The following DTX4 variants were observed in gnomAD, a reference collection of about 807,000 sequenced individuals.
DTX4 encodes the protein E3 ubiquitin-protein ligase DTX4.
DTX4 carries 28 observed loss-of-function variants against 57.6 expected under a neutral mutation model. The ratio of observed to expected loss-of-function variants is 0.49; its 90% confidence interval spans 0.36 to 0.67. The LOEUF (loss-of-function observed/expected upper bound fraction) is 0.67, where lower values mean the gene tolerates loss of function less well. Ranked by LOEUF, DTX4 falls within the 30% of genes least tolerant of loss-of-function variation. The pLI is 0.00. For missense variants in DTX4, 715 were observed against 836.8 expected, an observed-to-expected ratio of 0.85 and a Z score of 1.80; for synonymous variants, 316 against 331.0, an observed-to-expected ratio of 0.95 and a Z score of 0.49.
At chr11:59,188,643 T>C (rs545278776) in intron 2 of DTX4, 92 bp from the exon 3 acceptor site, 1 of 1,090,270 alleles carries the variant, frequency 9.2e-7, no homozygotes, top group South Asian at 1.3e-5. Flanking sequence ...TCTGCTGTGT[T>C]AAGCACTTAA....
rs1281868730 is a variant in DTX4 at position 59,172,146 on chromosome 11, C to G, written c.-450C>G. Among the ~76,000 whole-genome samples the G allele has an allele frequency of 3.3e-5, 5 of 152,132 alleles. No individual in the cohort carries two copies. The highest frequency in any genetic ancestry group is 5.9e-5 in the Non-Finnish European group (4 of 67,974). On this transcript the variant is annotated 5_prime_UTR_variant, in exon 1 of 9. Coordinates refer to ENST00000227451, the MANE Select transcript of DTX4 (RefSeq NM_015177.2). ...CAGAGCGTGCCATTCCGAGCGCGGCCGTGCGGCGAGATCCCACCCCGGCGT... is the reference window on the plus strand; with the variant it reads ...CAGAGCGTGCCATTCCGAGCGCGGCGGTGCGGCGAGATCCCACCCCGGCGT...
intron 1 of DTX4, among the ~76,000 whole-genome samples, chr11:59,177,286 G>A (rs1862407575): frequency 6.6e-6 from 1 of 152,114 alleles, no homozygotes; most frequent in African/African-American, 2.4e-5. Flanking sequence ...TAGGTCTCAA[G>A]GGCACTGCTG....
chr11:59,195,117 GCCCT>G, intron 6 of DTX4, 87 bp from the exon 7 acceptor site: 4 of 1,358,280 alleles, frequency 2.9e-6, no homozygotes, highest in Non-Finnish European at 4.2e-6. Flanking sequence ...TGTTCCCCTG[GCCCT>G]TCATCTCTGG....
Position 59,172,613 on chromosome 11 carries a change from C to A in DTX4, c.18C>A (p.Ala6=), listed in dbSNP as rs750143131. 1.7e-5 allele frequency: 26 copies of A among 1,561,376 alleles called. No individual in the cohort carries two copies. In the African/African-American group the frequency reaches 2.8e-4, roughly 17 times the overall value. ...GGCTCGCCATGCTCCTGGCCTCGGC[C>A]GTGGTGGTCTGGGAATGGCTGAACG... MLLAS[A]VVVWEWLNEH... The change falls in exon 1 of 9, where the codon GCC becomes GCA. Residue 6 remains alanine (A), a synonymous_variant. Transcript: ENST00000227451.
At chr11:59,173,778 G>A (rs915603146) in intron 1 of DTX4, among the ~76,000 whole-genome samples, 1 of 152,130 alleles carries the variant, frequency 6.6e-6, no homozygotes, top group Admixed American at 6.5e-5. Context: ...GGGGCCTTGG[G>A]GGGTGGGGAG....
Position 59,194,485 on chromosome 11 carries a change from A to G in DTX4, c.1375-723A>G, listed in dbSNP as rs113206054. 3.8e-4 allele frequency among the ~76,000 whole-genome samples: 58 copies of G among 152,292 alleles called. 1 individual carries two copies. The South Asian group carries it at 0.012, about 32-fold the overall frequency. On this transcript the variant is annotated intron_variant, in intron 6 of 8. Coordinates refer to ENST00000227451, the MANE Select transcript of DTX4 (RefSeq NM_015177.2). ...TCATAGCAGTAGTTTCCAAACCTGT[A>G]TGAGCATCAGTCTTTCCATGGAAAT...
rs1411057963 is a variant in DTX4 at position 59,191,037 on chromosome 11, T to C, written c.1160-77T>C. On this transcript the variant is annotated intron_variant, in intron 4 of 8. Coordinates refer to ENST00000227451, the MANE Select transcript of DTX4 (RefSeq NM_015177.2). ...TAACTTGCCTGATAACGTCCCCCTC[T>C]ACCATGTCTAGCACGACAAGGCTGT... 5.0e-6 allele frequency: 7 copies of C among 1,407,054 alleles called. No homozygotes were observed. The East Asian group carries it at 1.7e-4, about 35-fold the overall frequency. 87.2% of individuals were successfully genotyped at this position (1,407,054 alleles called of 1,614,324 possible).
intron 1 of DTX4, among the ~76,000 whole-genome samples, chr11:59,174,891 T>G (rs1430703455): frequency 6.6e-6 from 1 of 152,222 alleles, no homozygotes; most frequent in African/African-American, 2.4e-5. Context: ...TGCTGTGGTT[T>G]CATCCGCTCA....
chr11:59,198,443 C>T (rs899649107), intron 7 of DTX4, among the ~76,000 whole-genome samples: 4 of 152,184 alleles, frequency 2.6e-5, no homozygotes, highest in Non-Finnish European at 5.9e-5. Flanking sequence ...TCCGAGAAGG[C>T]GTTGTTGCTT....
In DTX4 at chr11:59,182,455, G is replaced by C; in HGVS notation, c.928G>C (p.Ala310Pro). 6.2e-6 allele frequency: 10 copies of C among 1,600,642 alleles called. No homozygotes were observed. Among genetic ancestry groups the C allele is most frequent in the Non-Finnish European group, 8.5e-6 (10 of 1,172,556 alleles). ...LAIAQSRVLI[A>P]SGVPTVPVKN... is the part of the protein sequence containing the mutation. ...CATTGCCCAGTCCCGGGTGCTGATC[G>C]CCTCTGGGTAAGTGCTTCCACAGCT... Residue 310 changes from alanine (A) to proline (P), a missense_variant, in exon 2 of 9, where the codon GCC becomes CCC. By Grantham distance (27) the Ala-to-Pro change is conservative (BLOSUM62 -1). Transcript: ENST00000227451.
intron 1 of DTX4, among the ~76,000 whole-genome samples, chr11:59,174,510 A>AAAAAAAAAAAAAAAG: frequency 6.6e-6 from 1 of 151,798 alleles, no homozygotes; most frequent in African/African-American, 2.4e-5. Flanking sequence ...GGAAAAAAAA[A>AAAAAAAAAAAAAAAG]AAAGCAGGTG....
intron 2 of DTX4, among the ~76,000 whole-genome samples, chr11:59,183,737 T>C (rs754101986): frequency 6.6e-6 from 1 of 152,062 alleles, no homozygotes; most frequent in Non-Finnish European, 1.5e-5. Context: ...GAGTGCCGAG[T>C]TGGAAATCCA....
chr11:59,171,976 G>A (rs1383181518), upstream of DTX4, among the ~76,000 whole-genome samples: 2 of 152,152 alleles, frequency 1.3e-5, no homozygotes, highest in African/African-American at 4.8e-5. Flanking sequence ...CGCGGGCGCG[G>A]GTTTGCCTTA....
At chr11:59,196,133 C>T (rs540299960) in intron 7 of DTX4, among the ~76,000 whole-genome samples, 3 of 152,218 alleles carry the variant, frequency 2.0e-5, no homozygotes, top group Non-Finnish European at 4.4e-5. Flanking sequence ...TCCTCTTTTC[C>T]TCCCTCCTAG....
At chr11:59,192,271 C>T in intron 6 of DTX4, 21 bp downstream of exon 6, 1 of 1,613,356 alleles carries the variant, frequency 6.2e-7, no homozygotes, top group Non-Finnish European at 8.5e-7. Flanking sequence ...GCCTATGGGG[C>T]TCCTGCCACC....
chr11:59,199,765 G>C lies in DTX4; in HGVS notation c.1618G>C (p.Gly540Arg), dbSNP rs1286999974. 1 of 1,561,656 alleles carries C rather than the reference G, an allele frequency of 6.4e-7. No homozygotes were observed. The highest frequency in any genetic ancestry group is 8.7e-7 in the Non-Finnish European group (1 of 1,152,508). Reference sequence around the variant, plus strand: ...CTGTTACCTTCCGGACAGCGAGAAAGGGAGAAAAGTAAGACCGGAAGTTTC... The same window carrying C: ...CTGTTACCTTCCGGACAGCGAGAAACGGAGAAAAGTAAGACCGGAAGTTTC... ...RHCYLPDSEK[G>R]RKVLKLLLVA... The change falls in exon 8 of 9, where the codon GGG (glycine) becomes CGG (arginine). Residue 540 changes from glycine (G) to arginine (R), a missense_variant. Gly to Arg is a moderately radical substitution (Grantham distance 125). Transcript: ENST00000227451.
In DTX4 at chr11:59,204,950, C is replaced by A; in HGVS notation, c.*41C>A. ...GAGGTGGGAGGGGCCATGGAGACTG[C>A]AGGACAGGAAGTGAGGAGAGTGAGT... On this transcript the variant is annotated 3_prime_UTR_variant, in exon 9 of 9. Transcript: ENST00000227451. 1 of 1,514,958 alleles carries A rather than the reference C, an allele frequency of 6.6e-7. No homozygotes were observed. Among genetic ancestry groups the A allele is most frequent in the Non-Finnish European group, 9.0e-7 (1 of 1,113,796 alleles). The allele number at this position is 1,514,958 out of a possible 1,614,324, so 93.8% of individuals were successfully genotyped here.
chr11:59,182,076 G>A lies in DTX4; in HGVS notation c.549G>A (p.Ser183=), dbSNP rs375789414. ...SWPVSPGPAT[S]PPMSPCSCPQ... ...CAGTCAGCCCTGGGCCAGCCACCTCGCCCCCCATGTCCCCCTGCTCCTGTC... is the reference window on the plus strand; with the variant it reads ...CAGTCAGCCCTGGGCCAGCCACCTCACCCCCCATGTCCCCCTGCTCCTGTC... The change falls in exon 2 of 9, where the codon TCG becomes TCA. Residue 183 remains serine (S), a synonymous_variant. Transcript: ENST00000227451. The A allele has an allele frequency of 2.7e-5, 43 of 1,611,990 alleles. No homozygotes were observed. Among genetic ancestry groups the A allele is most frequent in the East Asian group, 8.9e-5 (4 of 44,870 alleles).
chr11:59,181,907 C>G lies in DTX4; in HGVS notation c.380C>G (p.Thr127Ser), dbSNP rs769592534. ...YEKQHPWIDL[T>S]SIGFSYVIDF... ...AAGCAGCACCCCTGGATCGACCTCA[C>G]TTCCATTGGCTTTAGCTACGTAATT... is the stretch of plus-strand genomic sequence containing the variant. The change falls in exon 2 of 9, where the codon ACT becomes AGT. Residue 127 changes from threonine (T) to serine (S), a missense_variant. Physicochemically the swap from Thr to Ser is moderately conservative, Grantham distance 58. Coordinates refer to ENST00000227451, the MANE Select transcript of DTX4 (RefSeq NM_015177.2). 1.2e-6 allele frequency: 2 copies of G among 1,614,014 alleles called. No homozygotes were observed. The highest frequency in any genetic ancestry group is 2.2e-5 in the South Asian group (2 of 91,090).
Sources: allele counts gnomAD v4.1 joint callset (sites outside exome capture counted in the v4.1 genomes callset), GRCh38; gene constraint gnomAD v4.1.1; transcripts MANE v1.5; gene names NCBI Gene and HGNC (gene_info 2026-07-23, HGNC 2026-07-21).